The following KCNA6 variants were observed in gnomAD, a reference collection of about 807,000 sequenced individuals.
The protein encoded by KCNA6 is human brain potassium channel-2.
In KCNA6, 17 loss-of-function variants were observed where a neutral mutation model predicts 29.5. The observed-to-expected ratio is 0.58, with a 90% confidence interval of 0.39 to 0.86. KCNA6 has a LOEUF of 0.86. Ranked by LOEUF, KCNA6 falls within the 40% of genes least tolerant of loss-of-function variation. The pLI is 0.00. For synonymous variants in KCNA6, 296 were observed against 304.7 expected, an observed-to-expected ratio of 0.97 and a Z score of 0.30; for missense variants, 450 against 703.4, an observed-to-expected ratio of 0.64 and a Z score of 4.07.
the KCNA6 span, among the ~76,000 whole-genome samples, chr12:4,832,160 C>T: frequency 1.3e-5 from 2 of 152,110 alleles, no homozygotes; most frequent in African/African-American, 2.4e-5. Flanking sequence ...CTTCAGACCC[C>T]GAGAGCCTGG....
chr12:4,847,038 C>A, the KCNA6 span, among the ~76,000 whole-genome samples: 1 of 151,824 alleles, frequency 6.6e-6, no homozygotes, highest in African/African-American at 2.4e-5. Flanking sequence ...CCTGCCTTGG[C>A]CTCTTAAAGT....
rs1385593481 is a variant in KCNA6 at position 4,811,887 on chromosome 12, T to A, written c.*256T>A. 4 of 513,928 alleles carry A rather than the reference T, an allele frequency of 7.8e-6. No individual in the cohort carries two copies. Among genetic ancestry groups the A allele is most frequent in the African/African-American group, 1.9e-5 (1 of 52,236 alleles). The allele number at this position is 513,928 out of a possible 1,614,324, so 31.8% of individuals were successfully genotyped here. A position where few individuals can be genotyped will look rare whatever the true frequency, so the allele number is the denominator to read the frequency against. ...CCAATCATGCCCAGCTTCTGTCATA[T>A]GAATGAGATATACATTTATGTCTGA... On this transcript the variant is annotated 3_prime_UTR_variant, in exon 1 of 1. Transcript: ENST00000280684. This position sits in a 1 kb window ranked among gnomAD's most constrained non-coding sequence, Gnocchi z 7.1.
the KCNA6 span, among the ~76,000 whole-genome samples, chr12:4,829,318 C>T: frequency 6.6e-6 from 1 of 152,170 alleles, no homozygotes. Flanking sequence ...GGTGCTTCCC[C>T]TCCTTGAGCT....
the KCNA6 span, among the ~76,000 whole-genome samples, chr12:4,839,809 C>T: frequency 6.6e-6 from 1 of 152,170 alleles, no homozygotes; most frequent in Admixed American, 6.5e-5. Flanking sequence ...TTAAATCCTC[C>T]CATTATGGAG....
the KCNA6 span, among the ~76,000 whole-genome samples, chr12:4,846,931 A>G: frequency 4.8e-4 from 72 of 150,342 alleles, no homozygotes; most frequent in African/African-American, 1.7e-3. Context: ...GGCGCCCGCC[A>G]CCACGCCCAG....
the KCNA6 span, among the ~76,000 whole-genome samples, chr12:4,845,747 CT>C: frequency 6.6e-6 from 1 of 152,088 alleles, no homozygotes; most frequent in African/African-American, 2.4e-5. Context: ...TGTGTCGTTT[CT>C]TTTCTTTTAA....
downstream of KCNA6, among the ~76,000 whole-genome samples, chr12:4,816,882 T>A (rs1379592805): frequency 1.3e-5 from 2 of 152,300 alleles, no homozygotes; most frequent in African/African-American, 4.8e-5. Context: ...CTGCTTTGCC[T>A]TGTGCCCACT....
chr12:4,834,773 T>C, the KCNA6 span, among the ~76,000 whole-genome samples: 1 of 152,146 alleles, frequency 6.6e-6, no homozygotes, highest in African/African-American at 2.4e-5. Flanking sequence ...TCTCCTACTC[T>C]CATCGACCTT....
chr12:4,839,739 G>A, the KCNA6 span, among the ~76,000 whole-genome samples: 1 of 152,200 alleles, frequency 6.6e-6, no homozygotes, highest in East Asian at 1.9e-4. Flanking sequence ...CTGGAAGTAT[G>A]TTAATAATAA....
the KCNA6 span, among the ~76,000 whole-genome samples, chr12:4,836,607 T>A: frequency 3.3e-5 from 5 of 152,236 alleles, no homozygotes. Context: ...CAGGAAAGGC[T>A]AGAAAAATAA....
At chr12:4,836,633 G>T in the KCNA6 span, among the ~76,000 whole-genome samples, 2 of 152,192 alleles carry the variant, frequency 1.3e-5, no homozygotes. Flanking sequence ...ACTCAAGATT[G>T]CGAAGAGTCA....
chr12:4,840,676 G>C, the KCNA6 span, among the ~76,000 whole-genome samples: 2 of 152,198 alleles, frequency 1.3e-5, no homozygotes, highest in Non-Finnish European at 2.9e-5. Context: ...AGACTGAGAT[G>C]GTCAGTGGTA....
chr12:4,809,735 G>A (rs1045589597), exon 1 of KCNA6: 2 of 311,270 alleles, frequency 6.4e-6, no homozygotes, highest in Admixed American at 9.7e-5. Context: ...GCGTCTTTTC[G>A]GGCAGCCAAT....
rs944239384 is a variant in KCNA6, at chr12:4,812,288, T to A, written c.*657T>A. On this transcript the variant is annotated 3_prime_UTR_variant, in exon 1 of 1. Transcript: ENST00000280684. ...GTTAGTCCAGGACCAAAGAGGCCAA[T>A]GGATTTTTCAAAGTGTGCCCCAGCA... 3 of 167,224 alleles carry A rather than the reference T, an allele frequency of 1.8e-5. No individual in the cohort carries two copies. In the Admixed American group the frequency reaches 2.0e-4, roughly 11 times the overall value. 10.4% of individuals were successfully genotyped at this position (167,224 alleles called of 1,614,324 possible).
the KCNA6 span, among the ~76,000 whole-genome samples, chr12:4,825,257 G>A: frequency 6.6e-6 from 1 of 152,112 alleles, no homozygotes; most frequent in Non-Finnish European, 1.5e-5. Flanking sequence ...TCAGTCCTAC[G>A]CAACTTTCCA....
the KCNA6 span, among the ~76,000 whole-genome samples, chr12:4,837,667 T>G: frequency 6.6e-6 from 1 of 152,106 alleles, no homozygotes; most frequent in Non-Finnish European, 1.5e-5. Context: ...GGAAGAAGTT[T>G]GTGTTTTTTG....
At chr12:4,823,936 C>T in the KCNA6 span, among the ~76,000 whole-genome samples, 1 of 152,208 alleles carries the variant, frequency 6.6e-6, no homozygotes, top group Admixed American at 6.5e-5. Context: ...GACATGAGAA[C>T]ATGGTTCTGA....
chr12:4,824,304 G>C, the KCNA6 span, among the ~76,000 whole-genome samples: 7 of 152,298 alleles, frequency 4.6e-5, no homozygotes, highest in East Asian at 1.3e-3. Context: ...ACCACTCAAA[G>C]CTCTCATAAA....
At chr12:4,818,593 A>G in the KCNA6 span, among the ~76,000 whole-genome samples, 1 of 152,140 alleles carries the variant, frequency 6.6e-6, no homozygotes, top group Admixed American at 6.5e-5. Context: ...TTTCTTTGGC[A>G]GATAAGAAAA....
Sources: allele counts gnomAD v4.1 joint callset (sites outside exome capture counted in the v4.1 genomes callset), GRCh38; gene constraint gnomAD v4.1.1; non-coding constraint Gnocchi (gnomAD v3.1); transcripts MANE v1.5; gene names NCBI Gene and HGNC (gene_info 2026-07-23, HGNC 2026-07-21).